The following ZNF469 variants were observed in gnomAD, a reference collection of about 807,000 sequenced individuals.
ZNF469 encodes zinc finger protein 469.
A neutral mutation model predicts 1.0 loss-of-function variants in ZNF469; 1 was observed. That is an observed-to-expected ratio of 1.00 (90% CI 0.35 to 4.73). The LOEUF is 4.73. Among genes scored for constraint, ZNF469 ranks in the 30% most tolerant of loss-of-function variants. ZNF469 has a pLI of 0.16. For missense variants in ZNF469, 6,100 were observed against 5,356.3 expected, an observed-to-expected ratio of 1.14 and a Z score of -4.33; for synonymous variants, 2,703 against 2,363.4, an observed-to-expected ratio of 1.14 and a Z score of -4.17.
At chr16:88,275,524 G>A in the ZNF469 span, among the ~76,000 whole-genome samples, 2 of 152,166 alleles carry the variant, frequency 1.3e-5, no homozygotes, top group Admixed American at 6.5e-5. Flanking sequence ...CGTTGATGGC[G>A]GGAGGGTGCC....
At chr16:88,106,289 T>G in the ZNF469 span, among the ~76,000 whole-genome samples, 2 of 152,330 alleles carry the variant, frequency 1.3e-5, no homozygotes, top group African/African-American at 4.8e-5. Flanking sequence ...CACCTCTCCC[T>G]GCTCGTGATT....
the ZNF469 span, among the ~76,000 whole-genome samples, chr16:88,112,692 A>C: frequency 6.6e-6 from 1 of 151,174 alleles, no homozygotes; most frequent in Non-Finnish European, 1.5e-5. Flanking sequence ...ATCCCTTGTC[A>C]GATGAGTAGT....
At chr16:88,316,545 C>CTTTTTTTTTTTTTTTTTTTTT in the ZNF469 span, among the ~76,000 whole-genome samples, 1 of 100,990 alleles carries the variant, frequency 9.9e-6, no homozygotes, top group African/African-American at 4.2e-5. Flanking sequence ...TAGGTGCTGT[C>CTTTTTTTTTTTTTTTTTTTTT]TTTTTTTTTT....
chr16:88,356,821 C>T, the ZNF469 span, among the ~76,000 whole-genome samples: 2 of 152,230 alleles, frequency 1.3e-5, no homozygotes, highest in South Asian at 2.1e-4. Context: ...GGGGCAGGAG[C>T]CGCATCAGTT....
the ZNF469 span, among the ~76,000 whole-genome samples, chr16:88,170,614 G>A: frequency 4.6e-5 from 7 of 152,138 alleles, no homozygotes; most frequent in African/African-American, 1.7e-4. This position sits in a 1 kb window ranked among gnomAD's most constrained non-coding sequence, Gnocchi z 4.2. Context: ...ATGACAGGAC[G>A]GCCTTCTTTT....
the ZNF469 span, among the ~76,000 whole-genome samples, chr16:88,164,604 C>G: frequency 6.6e-6 from 1 of 152,118 alleles, no homozygotes; most frequent in African/African-American, 2.4e-5. Context: ...AGTTTTTTCC[C>G]TTTTTATGTT....
chr16:88,436,767 G>C lies in ZNF469; in HGVS notation c.9297G>C (p.Gly3099=), dbSNP rs1326458903. 2 of 1,546,940 alleles carry C rather than the reference G, an allele frequency of 1.3e-6. No individual in the cohort carries two copies. The highest frequency in any genetic ancestry group is 2.7e-5 in the African/African-American group (2 of 73,170). Residue 3099 remains glycine (G), a synonymous_variant, in exon 3 of 3, where the codon GGG becomes GGC. Transcript: ENST00000565624. ...SRRTEEAAGA[G]RAQGRGRPAK... is the part of the protein sequence containing the mutation. Reference sequence around the variant, plus strand: ...GGACAGAGGAGGCTGCAGGGGCAGGGAGGGCCCAAGGCAGAGGCCGGCCGG... The same window carrying C: ...GGACAGAGGAGGCTGCAGGGGCAGGCAGGGCCCAAGGCAGAGGCCGGCCGG...
At chr16:88,291,379 G>A in the ZNF469 span, among the ~76,000 whole-genome samples, 6 of 152,226 alleles carry the variant, frequency 3.9e-5, no homozygotes, top group South Asian at 2.1e-4. Flanking sequence ...CTGAGCTATC[G>A]GACGTAGAAG....
Position 88,439,176 on chromosome 16 carries a change from C to T in ZNF469, c.11706C>T (p.Leu3902=), listed in dbSNP as rs1336934838. 3 of 1,550,506 alleles carry T rather than the reference C, an allele frequency of 1.9e-6. No homozygotes were observed. Among genetic ancestry groups the T allele is most frequent in the South Asian group, 1.2e-5 (1 of 84,064 alleles). ...GKAFPQGRPL[L]RPPKRGTAVH... is the part of the protein sequence containing the mutation. ...CCTTCCCCCAGGGGAGACCCCTGCTCAGGCCCCCCAAGAGGGGCACAGCTG... is the reference window on the plus strand; with the variant it reads ...CCTTCCCCCAGGGGAGACCCCTGCTTAGGCCCCCCAAGAGGGGCACAGCTG... Residue 3902 remains leucine, a synonymous_variant, in exon 3 of 3, where the codon CTC becomes CTT. Coordinates refer to ENST00000565624, the MANE Select transcript of ZNF469 (RefSeq NM_001367624.2).
the ZNF469 span, among the ~76,000 whole-genome samples, chr16:88,259,972 T>G: frequency 0.014 from 2,093 of 152,220 alleles, 58 homozygotes; most frequent in African/African-American, 0.048. This position sits in a 1 kb window ranked among gnomAD's most constrained non-coding sequence, Gnocchi z 4.1. Context: ...TCACTTTTTT[T>G]TTGTTTTTTT....
the ZNF469 span, among the ~76,000 whole-genome samples, chr16:88,242,191 C>G: frequency 1.3e-5 from 2 of 152,328 alleles, no homozygotes; most frequent in East Asian, 3.9e-4. Flanking sequence ...GGTGAGGAGC[C>G]TGGAGCCCCA....
the ZNF469 span, among the ~76,000 whole-genome samples, chr16:88,208,779 G>GCACACA: frequency 6.0e-5 from 8 of 133,808 alleles, no homozygotes; most frequent in African/African-American, 2.2e-4. Context: ...GCGTGCGCGC[G>GCACACA]CACACACACA....
chr16:88,324,355 G>A, the ZNF469 span, among the ~76,000 whole-genome samples: 16,724 of 135,006 alleles, frequency 0.12, 1,022 homozygotes, highest in South Asian at 0.23. Context: ...GTGGGTGGAA[G>A]GATGTGGGGG....
the ZNF469 span, among the ~76,000 whole-genome samples, chr16:88,140,832 C>T: frequency 2.0e-5 from 3 of 152,174 alleles, no homozygotes; most frequent in African/African-American, 7.2e-5. Context: ...ACCTGGGAGG[C>T]TGAGGCAGGA....
In ZNF469 at chr16:88,436,265, C is replaced by A. The variant is rs776046885; in HGVS notation, c.8795C>A (p.Ala2932Glu). 1.5e-5 allele frequency: 23 copies of A among 1,549,828 alleles called. No individual in the cohort carries two copies. Among genetic ancestry groups the A allele is most frequent in the Admixed American group, 2.0e-5 (1 of 50,990 alleles). ...HEDPWEDEDP[A>E]GLPESFLLDG... Reference sequence around the variant, plus strand: ...GACCCGTGGGAGGACGAGGATCCCGCAGGTCTGCCCGAGTCCTTCCTCCTG... The same window carrying A: ...GACCCGTGGGAGGACGAGGATCCCGAAGGTCTGCCCGAGTCCTTCCTCCTG... The change falls in exon 3 of 3, where the codon GCA becomes GAA. Residue 2932 changes from alanine to glutamate, a missense_variant. Physicochemically the swap from Ala to Glu is moderately radical, Grantham distance 107 (BLOSUM62 -1). Transcript: ENST00000565624.
the ZNF469 span, among the ~76,000 whole-genome samples, chr16:88,188,204 A>C: frequency 2.6e-4 from 39 of 152,062 alleles, no homozygotes; most frequent in African/African-American, 8.4e-4. Flanking sequence ...CAAGGTCCAG[A>C]TCACGTCTCA....
chr16:88,153,762 A>G, the ZNF469 span, among the ~76,000 whole-genome samples: 1 of 152,212 alleles, frequency 6.6e-6, no homozygotes, highest in South Asian at 2.1e-4. Flanking sequence ...GCCTTTCTCC[A>G]TGGCCTGCGG....
rs1906769201 is a variant in ZNF469, at chr16:88,438,529, T to C, written c.11059T>C (p.Ser3687Pro). 1 of 1,550,002 alleles carries C rather than the reference T, an allele frequency of 6.5e-7. No homozygotes were observed. Among genetic ancestry groups the C allele is most frequent in the Non-Finnish European group, 8.7e-7 (1 of 1,146,920 alleles). ...CTCATCAAAGGACAGGTCGGCAGCA[T>C]CCACCCCCAGCAAAGCACTCAAGTT... ...QSSSKDRSAA[S>P]TPSKALKFPV... is the part of the protein sequence containing the mutation. The change falls in exon 3 of 3, where the codon TCC becomes CCC. Residue 3687 changes from serine to proline, a missense_variant. Transcript: ENST00000565624.
chr16:88,161,408 A>G, the ZNF469 span, among the ~76,000 whole-genome samples: 1 of 152,170 alleles, frequency 6.6e-6, no homozygotes, highest in Non-Finnish European at 1.5e-5. Context: ...TATTCCCAAC[A>G]CAGTAGAAGC....
Sources: allele counts gnomAD v4.1 joint callset (sites outside exome capture counted in the v4.1 genomes callset), GRCh38; gene constraint gnomAD v4.1.1; non-coding constraint Gnocchi (gnomAD v3.1); transcripts MANE v1.5; gene names NCBI Gene and HGNC (gene_info 2026-07-23, HGNC 2026-07-21).